DPF3: variants seen among roughly 807,000 people sequenced by gnomAD.
The protein encoded by DPF3 is double PHD fingers 3.
Under a neutral mutation model 56.8 loss-of-function variants are expected in DPF3, and 18 were observed. The ratio of observed to expected loss-of-function variants is 0.32; its 90% CI spans 0.22 to 0.47. The LOEUF is 0.47. DPF3 is among the 20% of genes least tolerant of loss of function. The probability of loss-of-function intolerance (pLI) is 1.00; values close to 1 mark genes in which losing one functional copy is unlikely to be tolerated. For missense variants in DPF3, 403 were observed against 488.8 expected (o/e 0.82, Z 1.65); for synonymous variants, 188 against 180.2 (o/e 1.04, Z -0.35).
intron 8 of DPF3, chr14:72,669,889 G>T: frequency 1.0e-6 from 1 of 985,888 alleles, no homozygotes; most frequent in East Asian, 1.1e-4. Flanking sequence ...AAAAGAAAAA[G>T]AAAACTAAAA....
At chr14:72,874,019 A>G (rs1470512850) in intron 1 of DPF3, among the ~76,000 whole-genome samples, 1 of 151,532 alleles carries the variant, frequency 6.6e-6, no homozygotes, top group Non-Finnish European at 1.5e-5. Flanking sequence ...ACATGTATAT[A>G]TATGTAACAA....
chr14:72,633,740 A>G (rs912284578), intron 8 of DPF3, among the ~76,000 whole-genome samples: 1 of 152,152 alleles, frequency 6.6e-6, no homozygotes, highest in African/African-American at 2.4e-5. Context: ...CCAGAGCATG[A>G]CAGAACTCAG....
At chr14:72,723,935 C>T in intron 4 of DPF3, 1 of 499,510 alleles carries the variant, frequency 2.0e-6, no homozygotes, top group Non-Finnish European at 3.4e-6. Flanking sequence ...CCTTGGGCCC[C>T]TTCCAGACAA....
At chr14:72,621,338 C>T (rs887876161) in intron 9 of DPF3, among the ~76,000 whole-genome samples, 3 of 151,902 alleles carry the variant, frequency 2.0e-5, no homozygotes, top group African/African-American at 7.3e-5. Context: ...GTGATCTGGC[C>T]CCACCCCCTA....
chr14:72,723,552 T>A, intron 5 of DPF3, 81 bp downstream of exon 5: 1 of 1,163,128 alleles, frequency 8.6e-7, no homozygotes, highest in Non-Finnish European at 1.2e-6. Context: ...GATTTCCATC[T>A]AGCTGCAGTG....
At chr14:72,784,241 G>A (rs1416819156) in intron 1 of DPF3, among the ~76,000 whole-genome samples, 2 of 152,084 alleles carry the variant, frequency 1.3e-5, no homozygotes, top group African/African-American at 4.8e-5. Flanking sequence ...CTTGTAAATA[G>A]AACAAAGCCA....
chr14:72,863,365 A>T (rs890339190), intron 1 of DPF3, among the ~76,000 whole-genome samples: 1 of 151,836 alleles, frequency 6.6e-6, no homozygotes, highest in African/African-American at 2.4e-5. Flanking sequence ...CACCGACCTG[A>T]AGGCAATTAC....
chr14:72,742,121 C>A (rs1890147395), intron 3 of DPF3, among the ~76,000 whole-genome samples: 1 of 152,216 alleles, frequency 6.6e-6, no homozygotes, highest in South Asian at 2.1e-4. Flanking sequence ...TGAGTGGGGG[C>A]TGCACGCCCT....
At chr14:72,779,068 C>A (rs1259183934) in intron 1 of DPF3, among the ~76,000 whole-genome samples, 2 of 152,284 alleles carry the variant, frequency 1.3e-5, no homozygotes, top group African/African-American at 4.8e-5. Context: ...CTGATTTACC[C>A]GCAGTGTTCA....
intron 8 of DPF3, among the ~76,000 whole-genome samples, chr14:72,667,315 A>C (rs1270517039): frequency 6.6e-6 from 1 of 152,140 alleles, no homozygotes; most frequent in Admixed American, 6.5e-5. Context: ...TAGGGAAAAA[A>C]ATCAGCTAGA....
chr14:72,654,434 C>A (rs1025243880), intron 8 of DPF3, among the ~76,000 whole-genome samples: 7 of 152,218 alleles, frequency 4.6e-5, no homozygotes, highest in Non-Finnish European at 1.0e-4. Flanking sequence ...CAAGTTGGCA[C>A]TTAATTTTAA....
At chr14:72,809,799 A>C (rs1043242674) in intron 1 of DPF3, among the ~76,000 whole-genome samples, 1 of 152,174 alleles carries the variant, frequency 6.6e-6, no homozygotes, top group South Asian at 2.1e-4. Context: ...GCAAACGGCC[A>C]CTGACCACCC....
chr14:72,756,878 A>AAGGC, intron 2 of DPF3, among the ~76,000 whole-genome samples: 1 of 135,660 alleles, frequency 7.4e-6, no homozygotes, highest in South Asian at 2.5e-4. Flanking sequence ...GAAAGGAAGG[A>AAGGC]AAGAAGGAAA....
At chr14:72,710,421 G>T (rs1254590027) in intron 6 of DPF3, among the ~76,000 whole-genome samples, 1 of 152,248 alleles carries the variant, frequency 6.6e-6, no homozygotes, top group African/African-American at 2.4e-5. Context: ...CCTGCCTGGA[G>T]AATTCCTGGA....
chr14:72,843,026 A>T (rs1210563400), intron 1 of DPF3, among the ~76,000 whole-genome samples: 2 of 152,116 alleles, frequency 1.3e-5, no homozygotes, highest in Non-Finnish European at 2.9e-5. Flanking sequence ...CCATCTCAAA[A>T]AAATAAATAA....
Position 72,632,906 on chromosome 14 carries a change from G to A in DPF3, c.872-3170C>T, listed in dbSNP as rs548467766. The stretch of plus-strand genomic sequence containing the variant: ...GGAAGGAAGGATGAAGGGGCTGTAC[G>A]CTAAGGAAAGAATTGTTGAGGGGTG... On this transcript the variant is annotated intron_variant, in intron 8 of 10. Coordinates refer to ENST00000556509, the MANE Select transcript of DPF3 (RefSeq NM_001280542.3). Among the ~76,000 whole-genome samples the A allele has an allele frequency of 2.0e-4, 31 of 151,522 alleles. No individual in the cohort carries two copies. In the South Asian group the frequency reaches 4.4e-3, roughly 22 times the overall value.
At position 72,612,993 on chromosome 14, in the gene DPF3, C is replaced by CGTGTGTGTGTGTGTGTGTGT. The variant is rs59321921; in HGVS notation, c.*6284_*6303dup. 1.3e-5 allele frequency among the ~76,000 whole-genome samples: 2 copies of CGTGTGTGTGTGTGTGTGTGT among 148,852 alleles called. No homozygotes were observed. Among genetic ancestry groups the CGTGTGTGTGTGTGTGTGTGT allele is most frequent in the Admixed American group, 6.6e-5 (1 of 15,064 alleles). ...TTTCCCTTTGGTTCATTAAGTAGGG[C>CGTGTGTGTGTGTGTGTGTGT]GTGTGTGTGTGTGTGTGTGTGTGTG... On this transcript the variant is annotated 3_prime_UTR_variant, in exon 11 of 11. Transcript: ENST00000556509.
In DPF3 at chr14:72,616,447, T is replaced by C. The variant is rs962114570; in HGVS notation, c.*2850A>G. 1.2e-4 allele frequency among the ~76,000 whole-genome samples: 19 copies of C among 152,152 alleles called. No individual in the cohort carries two copies. Among genetic ancestry groups the C allele is most frequent in the Non-Finnish European group, 2.1e-4 (14 of 68,026 alleles). On this transcript the variant is annotated 3_prime_UTR_variant, in exon 11 of 11. Transcript: ENST00000556509. ...TGGTCGCAGCCCAGCCCTGGCAATA[T>C]AAACTCCCTTTGGTCACAAGGGAGA...
At chr14:72,724,709 TTG>T (rs1491192385) in intron 4 of DPF3, among the ~76,000 whole-genome samples, 2 of 109,534 alleles carry the variant, frequency 1.8e-5, no homozygotes, top group East Asian at 5.2e-4. Flanking sequence ...GGGTTTTTGT[TTG>T]TTTTTTTTTT....
Sources: gnomAD v4.1 joint callset for allele counts (sites outside exome capture counted in the v4.1 genomes callset) on GRCh38, gnomAD v4.1.1 for gene constraint, MANE v1.5 for transcripts, NCBI Gene and HGNC (gene_info 2026-07-23, HGNC 2026-07-21) for gene names.